Variants in RBFOX1 observed in about 807,000 individuals in gnomAD.
The protein encoded by RBFOX1 is RNA binding fox-1 homolog 1.
RBFOX1 carries 8 observed loss-of-function variants against 57.7 expected under a neutral mutation model. The ratio of observed to expected loss-of-function variants is 0.14; its 90% CI spans 0.08 to 0.25. RBFOX1 has a LOEUF of 0.25. Among genes scored for constraint, RBFOX1 ranks in the 10% least tolerant of loss-of-function variants. RBFOX1 has a pLI of 1.00. For missense variants in RBFOX1, 611 were observed against 548.5 expected (o/e 1.11, Z -1.14); for synonymous variants, 326 against 222.4 (o/e 1.47, Z -4.15).
chr16:5,331,684 A>C (rs1182980371), intron 1 of RBFOX1, among the ~76,000 whole-genome samples: 1 of 152,264 alleles, frequency 6.6e-6, no homozygotes, highest in Non-Finnish European at 1.5e-5. Context: ...CTACAAAGTC[A>C]CATGGCCAGA....
intron 3 of RBFOX1, among the ~76,000 whole-genome samples, chr16:5,643,529 A>G (rs1341950715): frequency 6.6e-6 from 1 of 152,170 alleles, no homozygotes; most frequent in East Asian, 1.9e-4. Context: ...GAAAATCCAG[A>G]TGTGTACCCC....
chr16:6,650,658 T>C (rs145705474), intron 2 of RBFOX1, among the ~76,000 whole-genome samples: 2 of 152,224 alleles, frequency 1.3e-5, no homozygotes, highest in Non-Finnish European at 2.9e-5. Context: ...AACAGTCTGT[T>C]CTACATAAAA....
chr16:6,263,667 G>T (rs776948210), intron 1 of RBFOX1, among the ~76,000 whole-genome samples: 24 of 152,070 alleles, frequency 1.6e-4, no homozygotes, highest in African/African-American at 5.8e-4. Flanking sequence ...TCCTTTCCTA[G>T]TTGGCATGGT....
intron 4 of RBFOX1, among the ~76,000 whole-genome samples, chr16:7,102,160 C>T (rs2062809418): frequency 1.3e-5 from 2 of 152,328 alleles, no homozygotes; most frequent in African/African-American, 4.8e-5. Flanking sequence ...ACTCCTCTTA[C>T]TCACACTCAT....
chr16:6,697,760 C>A (rs1222653469), intron 3 of RBFOX1, among the ~76,000 whole-genome samples: 2 of 152,212 alleles, frequency 1.3e-5, no homozygotes, highest in Non-Finnish European at 2.9e-5. Context: ...AAAACAGATA[C>A]TGAGCAAACC....
intron 3 of RBFOX1, among the ~76,000 whole-genome samples, chr16:6,809,837 G>T (rs75583539): frequency 6.6e-6 from 1 of 152,096 alleles, no homozygotes; most frequent in African/African-American, 2.4e-5. Context: ...GAGTGCTGTC[G>T]TACCAAGTGT....
At chr16:5,406,552 C>G (rs1284910403) in intron 1 of RBFOX1, among the ~76,000 whole-genome samples, 1 of 152,074 alleles carries the variant, frequency 6.6e-6, no homozygotes, top group Non-Finnish European at 1.5e-5. Context: ...ATCTCTCCCT[C>G]TCTCTGTGTT....
At chr16:5,845,844 C>G (rs1270800313) in intron 3 of RBFOX1, among the ~76,000 whole-genome samples, 1 of 152,054 alleles carries the variant, frequency 6.6e-6, no homozygotes, top group African/African-American at 2.4e-5. Flanking sequence ...AATGGGGGAC[C>G]TCATCTATCT....
chr16:7,658,719 T>C (rs551360875), intron 12 of RBFOX1, among the ~76,000 whole-genome samples: 10 of 152,322 alleles, frequency 6.6e-5, no homozygotes, highest in Admixed American at 5.2e-4. Context: ...GGTGCTCTAA[T>C]GGAGCATCAC....
intron 3 of RBFOX1, among the ~76,000 whole-genome samples, chr16:6,769,618 C>T (rs568240625): frequency 6.6e-6 from 1 of 152,212 alleles, no homozygotes; most frequent in South Asian, 2.1e-4. Flanking sequence ...TCTATGGCAT[C>T]TCCAAATGAT....
intron 3 of RBFOX1, among the ~76,000 whole-genome samples, chr16:6,866,265 C>T (rs1364916769): frequency 6.6e-6 from 1 of 151,944 alleles, no homozygotes; most frequent in Non-Finnish European, 1.5e-5. Context: ...TTTCCTACCA[C>T]TTTTCATTTT....
chr16:5,321,892 C>G (rs1205801125), intron 1 of RBFOX1, among the ~76,000 whole-genome samples: 1 of 152,154 alleles, frequency 6.6e-6, no homozygotes, highest in Non-Finnish European at 1.5e-5. Flanking sequence ...GGACCCACAC[C>G]TTGCTGCACG....
At chr16:6,443,064 A>G (rs1488442179) in intron 2 of RBFOX1, among the ~76,000 whole-genome samples, 1 of 152,168 alleles carries the variant, frequency 6.6e-6, no homozygotes, top group African/African-American at 2.4e-5. Flanking sequence ...TTGCTTTAAT[A>G]CTTTATTAGA....
At chr16:6,629,463 C>G (rs536655240) in intron 2 of RBFOX1, among the ~76,000 whole-genome samples, 1 of 152,156 alleles carries the variant, frequency 6.6e-6, no homozygotes. Flanking sequence ...TCATTAATGT[C>G]ACAAATAGTT....
chr16:5,954,645 C>T (rs1170906106), intron 4 of RBFOX1, among the ~76,000 whole-genome samples: 5 of 152,074 alleles, frequency 3.3e-5, no homozygotes, highest in East Asian at 1.9e-4. Flanking sequence ...AATGAGGACT[C>T]ATAAGTTGGC....
At chr16:6,642,395 T>C (rs1471934525) in intron 2 of RBFOX1, among the ~76,000 whole-genome samples, 1 of 152,166 alleles carries the variant, frequency 6.6e-6, no homozygotes, top group Non-Finnish European at 1.5e-5. Flanking sequence ...AGCTCTTATT[T>C]GCAAACAGAC....
At chr16:7,567,319 ATATC>A (rs2092020602) in intron 5 of RBFOX1, among the ~76,000 whole-genome samples, 5 of 91,990 alleles carry the variant, frequency 5.4e-5, no homozygotes, top group African/African-American at 1.2e-4. Context: ...ATATATATAT[ATATC>A]TCCCTATATA....
At chr16:7,288,055 G>C (rs1362543210) in intron 4 of RBFOX1, among the ~76,000 whole-genome samples, 3 of 152,274 alleles carry the variant, frequency 2.0e-5, no homozygotes, top group Middle Eastern at 6.8e-3. Flanking sequence ...AAGGGAAGGA[G>C]TAACATGGTC....
chr16:7,703,260 T>C (rs2081355007), intron 14 of RBFOX1, among the ~76,000 whole-genome samples: 1 of 152,232 alleles, frequency 6.6e-6, no homozygotes, highest in African/African-American at 2.4e-5. Flanking sequence ...GGGCCATTCA[T>C]TGATCCCTGG....
Sources: allele counts gnomAD v4.1 joint callset (sites outside exome capture counted in the v4.1 genomes callset), GRCh38; gene constraint gnomAD v4.1.1; transcripts MANE v1.5; gene names NCBI Gene and HGNC (gene_info 2026-07-23, HGNC 2026-07-21).